The following AZU1 variants were observed in gnomAD, a reference collection of about 807,000 sequenced individuals.
The protein encoded by AZU1 is azurocidin 1.
In AZU1, 21 loss-of-function variants were observed where a neutral mutation model predicts 17.8. The ratio of observed to expected loss-of-function variants is 1.18; its 90% confidence interval spans 0.84 to 1.70. The LOEUF (loss-of-function observed/expected upper bound fraction) is 1.70. Among genes scored for constraint, AZU1 ranks in the 40% most tolerant of loss-of-function variants. The probability of loss-of-function intolerance (pLI) is 0.00; values close to 1 mark genes in which losing one functional copy is unlikely to be tolerated. For missense variants in AZU1, 379 were observed against 362.9 expected (o/e 1.04, Z -0.36); for synonymous variants, 178 against 155.2 (o/e 1.15, Z -1.09).
chr19:831,080 C>CTT (rs879042801), intron 4 of AZU1, 139 bp downstream of exon 4: 728 of 588,220 alleles, frequency 1.2e-3, no homozygotes, highest in South Asian at 1.7e-3. Flanking sequence ...GAAACAGTAT[C>CTT]TTTTTTTTTT....
intron 2 of AZU1, 36 bp from the exon 3 acceptor site, chr19:829,526 G>A (rs779571788): frequency 4.4e-6 from 7 of 1,605,270 alleles, no homozygotes; most frequent in Non-Finnish European, 5.1e-6. Flanking sequence ...CCCCAGCCTG[G>A]TGTCCTCCCT....
chr19:831,166 C>G, intron 4 of AZU1: 1 of 511,430 alleles, frequency 2.0e-6, no homozygotes, highest in Non-Finnish European at 3.4e-6. Context: ...CTGCAACCTC[C>G]GCCTCCTGGG....
At chr19:828,208 G>A in intron 1 of AZU1, 22 bp from the exon 2 acceptor site, 1 of 1,579,754 alleles carries the variant, frequency 6.3e-7, no homozygotes, top group Non-Finnish European at 8.6e-7. Context: ...GGGGATCTCA[G>A]AGCTGTCTCC....
rs2035282703 is a variant in AZU1, at chr19:831,061, A to ACGGTAGGAGAAACAGTATCTTTT, written c.594+121_594+143dup. On this transcript the variant is annotated intron_variant, in intron 4 of 4. Transcript: ENST00000233997. ...GGGGGCCCCAGGATTGAGCATTTTCACGGTAGGAGAAACAGTATCTTTTTT... is the reference window on the plus strand; with the variant it reads ...GGGGGCCCCAGGATTGAGCATTTTCACGGTAGGAGAAACAGTATCTTTTCGGTAGGAGAAACAGTATCTTTTTT... 3 of 811,168 alleles carry ACGGTAGGAGAAACAGTATCTTTT rather than the reference A, an allele frequency of 3.7e-6. No individual in the cohort carries two copies. The African/African-American group carries it at 5.4e-5, about 14-fold the overall frequency. The allele number at this position is 811,168 out of a possible 1,614,324, so 50.2% of individuals were successfully genotyped here.
At chr19:831,600 G>T in intron 4 of AZU1, 116 bp from the exon 5 acceptor site, 1 of 1,178,436 alleles carries the variant, frequency 8.5e-7, no homozygotes, top group Middle Eastern at 2.9e-4. Flanking sequence ...CCATGCAAAG[G>T]CCCTGGGGCT....
rs775654825 is a variant in AZU1 at position 829,680 on chromosome 19, A to C, written c.334A>C (p.Asn112His). ...CGAGAATGGCTACGACCCCCAGCAG[A>C]ACCTGAACGACCTGATGCTGCTTCA... ...MSENGYDPQQ[N>H]LNDLMLLQLD... Residue 112 changes from asparagine to histidine, a missense_variant, in exon 3 of 5, where the codon AAC becomes CAC. By Grantham distance (68) the Asn-to-His change is moderately conservative. Coordinates refer to ENST00000233997, the MANE Select transcript of AZU1 (RefSeq NM_001700.5). The C allele has an allele frequency of 8.1e-6, 13 of 1,613,232 alleles. No homozygotes were observed. The highest frequency in any genetic ancestry group is 1.1e-5 in the Non-Finnish European group (13 of 1,179,946).
Position 831,928 on chromosome 19 carries a change from C to CACA in AZU1, c.*51_*52insACA. On this transcript the variant is annotated 3_prime_UTR_variant, in exon 5 of 5. Coordinates refer to ENST00000233997, the MANE Select transcript of AZU1 (RefSeq NM_001700.5). ...CCAGCCCCGCCCTCCACACCTCCGGCGCTCCGCACCCACCTCCCACGGCCC... is the reference window on the plus strand; with the variant it reads ...CCAGCCCCGCCCTCCACACCTCCGGCACAGCTCCGCACCCACCTCCCACGGCCC... 1 of 1,565,290 alleles carries CACA rather than the reference C, an allele frequency of 6.4e-7. No individual in the cohort carries two copies. Among genetic ancestry groups the CACA allele is most frequent in the Non-Finnish European group, 8.7e-7 (1 of 1,150,850 alleles).
In AZU1 at chr19:830,909, G is replaced by T; in HGVS notation, c.562G>T (p.Gly188Cys). ...GTGTCGCCCCAACAACGTGTGCACC[G>T]GTGTGCTCACCCGCCGCGGTGGCAT... ...DQCRPNNVCT[G>C]VLTRRGGICN... Residue 188 changes from glycine to cysteine, a missense_variant, in exon 4 of 5, where the codon GGT becomes TGT. Gly to Cys is a radical substitution (Grantham distance 159). Coordinates refer to ENST00000233997, the MANE Select transcript of AZU1 (RefSeq NM_001700.5). 1 of 1,603,818 alleles carries T rather than the reference G, an allele frequency of 6.2e-7. No homozygotes were observed. Among genetic ancestry groups the T allele is most frequent in the Non-Finnish European group, 8.5e-7 (1 of 1,179,936 alleles).
In AZU1 at chr19:831,814, A is replaced by AGTG; in HGVS notation, c.695_697dup (p.Val232dup). The AGTG allele has an allele frequency of 6.2e-7, 1 of 1,612,356 alleles. No homozygotes were observed. On this transcript the variant is annotated inframe_insertion, in exon 5 of 5. Coordinates refer to ENST00000233997, the MANE Select transcript of AZU1 (RefSeq NM_001700.5). Reference sequence around the variant, plus strand: ...GCCGAGGCCCTGACTTCTTCACCCGAGTGGCGCTCTTCCGAGACTGGATCG... The same window carrying AGTG: ...GCCGAGGCCCTGACTTCTTCACCCGAGTGGTGGCGCTCTTCCGAGACTGGATCG...
intron 3 of AZU1, 96 bp downstream of exon 3, chr19:829,802 A>C: frequency 6.8e-7 from 1 of 1,471,782 alleles, no homozygotes; most frequent in East Asian, 2.4e-5. Context: ...AAAAATACAA[A>C]AATTAGCCGG....
At chr19:831,025 C>A in intron 4 of AZU1, 84 bp downstream of exon 4, 1 of 1,398,358 alleles carries the variant, frequency 7.2e-7, no homozygotes, top group Non-Finnish European at 9.8e-7. Flanking sequence ...AGGCTGAGGG[C>A]GGCACAGCAG....
At chr19:831,566 A>T (rs980772776) in intron 4 of AZU1, 150 bp from the exon 5 acceptor site, 1 of 919,042 alleles carries the variant, frequency 1.1e-6, no homozygotes. Context: ...ACTAGCAGTT[A>T]ACCAGGGCAG....
chr19:831,510 C>T lies in AZU1; in HGVS notation c.595-206C>T, dbSNP rs116561379. On this transcript the variant is annotated intron_variant, in intron 4 of 4. Coordinates refer to ENST00000233997, the MANE Select transcript of AZU1 (RefSeq NM_001700.5). ...GCCAGGGGAGGGGCACCTGGCCCAG[C>T]CTGGAGGTGCCAGGAAGCTCCAGAA... 4.8e-5 allele frequency: 28 copies of T among 585,322 alleles called. No individual in the cohort carries two copies. The East Asian group carries it at 7.3e-4, about 15-fold the overall frequency. 36.3% of individuals were successfully genotyped at this position (585,322 alleles called of 1,614,324 possible).
chr19:829,689 G>T lies in AZU1; in HGVS notation c.343G>T (p.Asp115Tyr), dbSNP rs1361615356. Residue 115 changes from aspartate to tyrosine, a missense_variant, in exon 3 of 5, where the codon GAC becomes TAC. Transcript: ENST00000233997. ...CTACGACCCCCAGCAGAACCTGAAC[G>T]ACCTGATGCTGCTTCAGGTGAGAGG... The part of the protein sequence containing the change: ...NGYDPQQNLN[D>Y]LMLLQLDREA... 2 of 1,613,274 alleles carry T rather than the reference G, an allele frequency of 1.2e-6. No individual in the cohort carries two copies. The highest frequency in any genetic ancestry group is 8.5e-7 in the Non-Finnish European group (1 of 1,179,926).
At position 831,859 on chromosome 19, in the gene AZU1, G is replaced by T. The variant is rs200997500; in HGVS notation, c.738G>T (p.Pro246=). Residue 246 remains proline, a synonymous_variant, in exon 5 of 5, where the codon CCG becomes CCT. Coordinates refer to ENST00000233997, the MANE Select transcript of AZU1 (RefSeq NM_001700.5). The part of the protein sequence containing the change: ...RDWIDGVLNN[P]GPGPA ...GGATCGATGGTGTTCTCAACAACCC[G>T]GGACCGGGGCCAGCCTAGGGGGGCC... 8.1e-6 allele frequency: 13 copies of T among 1,612,266 alleles called. No individual in the cohort carries two copies. Among genetic ancestry groups the T allele is most frequent in the Non-Finnish European group, 1.1e-5 (13 of 1,179,592 alleles).
At chr19:828,467 T>C in intron 2 of AZU1, 81 bp downstream of exon 2, 1 of 1,088,254 alleles carries the variant, frequency 9.2e-7, no homozygotes. Context: ...TCAGTGGGGG[T>C]GCTTGGTAGG....
In AZU1 at chr19:831,970, C is replaced by A; in HGVS notation, c.*93C>A. On this transcript the variant is annotated 3_prime_UTR_variant, in exon 5 of 5. Coordinates refer to ENST00000233997, the MANE Select transcript of AZU1 (RefSeq NM_001700.5). ...CCACGGCCCCGCCCCTGCCCCCGCT[C>A]CGGCCAGAGGGGCCCTGGCTGTAAT... 1 of 1,420,244 alleles carries A rather than the reference C, an allele frequency of 7.0e-7. No individual in the cohort carries two copies. 88.0% of individuals were successfully genotyped at this position (1,420,244 alleles called of 1,614,324 possible).
At chr19:828,924 G>A in intron 2 of AZU1, among the ~76,000 whole-genome samples, 1 of 132,374 alleles carries the variant, frequency 7.6e-6, no homozygotes, top group Admixed American at 7.5e-5. Flanking sequence ...CTCAGATGGA[G>A]GAGGTGCGGA....
At chr19:828,521 A>T in intron 2 of AZU1, 135 bp downstream of exon 2, 4 of 841,432 alleles carry the variant, frequency 4.8e-6, no homozygotes, top group Non-Finnish European at 6.4e-6. Context: ...CAGGGAAAGG[A>T]GGGGGCTTGG....
Sources: gnomAD v4.1 joint callset for allele counts (sites outside exome capture counted in the v4.1 genomes callset) on GRCh38, gnomAD v4.1.1 for gene constraint, MANE v1.5 for transcripts, NCBI Gene and HGNC (gene_info 2026-07-23, HGNC 2026-07-21) for gene names.